CNTN5: variants seen among roughly 807,000 people sequenced by gnomAD.
CNTN5 encodes the protein contactin 5, also known as contactin-5.
A neutral mutation model predicts 129.1 loss-of-function variants in CNTN5; 77 were observed. The ratio of observed to expected loss-of-function variants is 0.60; its 90% CI spans 0.50 to 0.72. The LOEUF (loss-of-function observed/expected upper bound fraction) is 0.72, where lower values mean the gene tolerates loss of function less well. Among genes scored for constraint, CNTN5 ranks in the 30% least tolerant of loss-of-function variants. The pLI, the probability that CNTN5 is intolerant of heterozygous loss-of-function variation, is 0.00. For missense variants in CNTN5, 1,478 were observed against 1,328.8 expected (o/e 1.11, Z -1.75); for synonymous variants, 509 against 465.6 (o/e 1.09, Z -1.20).
chr11:99,629,574 G>C (rs1389547684), intron 3 of CNTN5, among the ~76,000 whole-genome samples: 1 of 150,818 alleles, frequency 6.6e-6, no homozygotes, highest in East Asian at 2.0e-4. Context: ...CAGGGGTACA[G>C]GATTTATGGG....
chr11:100,109,637 A>G (rs1945578000), intron 13 of CNTN5, among the ~76,000 whole-genome samples: 1 of 152,178 alleles, frequency 6.6e-6, no homozygotes, highest in Admixed American at 6.5e-5. Flanking sequence ...TATACTTCAG[A>G]TAGAATTTAG....
At chr11:100,208,291 C>T (rs992243862) in intron 15 of CNTN5, among the ~76,000 whole-genome samples, 2 of 152,074 alleles carry the variant, frequency 1.3e-5, no homozygotes, top group Admixed American at 1.3e-4. Context: ...TGGGCTCAGC[C>T]AGAGTACATC....
At chr11:100,078,845 T>C (rs1367450459) in intron 13 of CNTN5, among the ~76,000 whole-genome samples, 1 of 152,084 alleles carries the variant, frequency 6.6e-6, no homozygotes, top group Non-Finnish European at 1.5e-5. Context: ...ATAATGATGG[T>C]ATCTGTATCA....
chr11:99,759,616 C>T lies in CNTN5; in HGVS notation c.56-59928C>T, dbSNP rs1319048899. ...ATTAATTCAGGTGTGAAGTCATAAC[C>T]CCAGATCTAGGGTCAGATGACGAAT... On this transcript the variant is annotated intron_variant, in intron 3 of 24. Transcript: ENST00000524871. Among the ~76,000 whole-genome samples the T allele has an allele frequency of 2.0e-5, 3 of 151,212 alleles. No homozygotes were observed. The Admixed American group carries it at 2.0e-4, about 10-fold the overall frequency.
chr11:100,164,438 C>T (rs11223037), intron 13 of CNTN5, among the ~76,000 whole-genome samples: 3,798 of 151,730 alleles, frequency 0.025, 149 homozygotes, highest in African/African-American at 0.087. Flanking sequence ...CCTCATATTA[C>T]ATTAGGCTCA....
chr11:99,415,664 A>T (rs1942624825), intron 2 of CNTN5, among the ~76,000 whole-genome samples: 1 of 152,126 alleles, frequency 6.6e-6, no homozygotes, highest in Non-Finnish European at 1.5e-5. Context: ...AGGGGAGAGC[A>T]GGAGAGTGTC....
At chr11:99,838,873 T>G (rs1947388331) in intron 4 of CNTN5, among the ~76,000 whole-genome samples, 1 of 152,144 alleles carries the variant, frequency 6.6e-6, no homozygotes, top group Non-Finnish European at 1.5e-5. Flanking sequence ...ATAGTATGCC[T>G]TTTGCTTTTA....
At chr11:99,782,863 A>G (rs1477579777) in intron 3 of CNTN5, among the ~76,000 whole-genome samples, 2 of 151,896 alleles carry the variant, frequency 1.3e-5, no homozygotes, top group Non-Finnish European at 2.9e-5. Context: ...TAGACCTAAA[A>G]CCACAAAAAC....
chr11:99,932,344 C>A (rs968458991), intron 7 of CNTN5, among the ~76,000 whole-genome samples: 2 of 152,202 alleles, frequency 1.3e-5, no homozygotes, highest in Admixed American at 1.3e-4. Flanking sequence ...AGGCACCCAC[C>A]ACCACGCCTG....
chr11:99,641,853 G>A (rs566531954), intron 3 of CNTN5, among the ~76,000 whole-genome samples: 25 of 152,038 alleles, frequency 1.6e-4, no homozygotes, highest in Non-Finnish European at 3.2e-4. Flanking sequence ...AGCAACAATA[G>A]CTAACATTAT....
intron 13 of CNTN5, among the ~76,000 whole-genome samples, chr11:100,098,997 G>A (rs948491366): frequency 1.3e-5 from 2 of 151,998 alleles, no homozygotes; most frequent in Non-Finnish European, 1.5e-5. Flanking sequence ...CACAGAGCAG[G>A]TCCAGATTAA....
intron 3 of CNTN5, among the ~76,000 whole-genome samples, chr11:99,577,468 T>C (rs1949393404): frequency 1.3e-5 from 2 of 152,182 alleles, no homozygotes; most frequent in Non-Finnish European, 2.9e-5. Flanking sequence ...ATGTTTTTAC[T>C]AGATTAACGT....
intron 2 of CNTN5, among the ~76,000 whole-genome samples, chr11:99,541,282 G>C (rs917663329): frequency 6.6e-6 from 1 of 152,126 alleles, no homozygotes; most frequent in Non-Finnish European, 1.5e-5. Context: ...ACTGTATTTT[G>C]TGTTATGAAG....
chr11:100,073,668 T>G (rs939460348), intron 12 of CNTN5, among the ~76,000 whole-genome samples: 2 of 151,880 alleles, frequency 1.3e-5, no homozygotes, highest in Non-Finnish European at 2.9e-5. Flanking sequence ...AAATTAATTT[T>G]TAAACAATGT....
At chr11:99,901,910 G>T (rs1355012982) in intron 6 of CNTN5, among the ~76,000 whole-genome samples, 1 of 152,140 alleles carries the variant, frequency 6.6e-6, no homozygotes, top group Non-Finnish European at 1.5e-5. Context: ...TGGATAAAAT[G>T]CAAGCGTTAT....
In CNTN5 at chr11:100,350,739, T is replaced by G; in HGVS notation, c.3068T>G (p.Val1023Gly). ...CAAGAGGGTCACAGCAACAGCCAAG[T>G]TATTGAAACACAGAAACTTCAAGCA... ...YRQEGHSNSQ[V>G]IETQKLQAVV... Residue 1023 changes from valine (V) to glycine (G), a missense_variant, in exon 24 of 25, where the codon GTT becomes GGT. Physicochemically the swap from Val to Gly is moderately radical, Grantham distance 109 (BLOSUM62 -3). Transcript: ENST00000524871. 1.9e-6 allele frequency: 3 copies of G among 1,608,676 alleles called. No individual in the cohort carries two copies. The highest frequency in any genetic ancestry group is 2.5e-6 in the Non-Finnish European group (3 of 1,176,670).
intron 1 of CNTN5, among the ~76,000 whole-genome samples, chr11:99,195,854 A>G (rs1170515389): frequency 6.6e-6 from 1 of 151,986 alleles, no homozygotes; most frequent in Non-Finnish European, 1.5e-5. Context: ...AAGTTTTACA[A>G]TTTATTTATA....
chr11:99,782,053 G>A (rs1252531943), intron 3 of CNTN5, among the ~76,000 whole-genome samples: 3 of 150,838 alleles, frequency 2.0e-5, no homozygotes, highest in African/African-American at 2.4e-5. Context: ...GTTTGCAGAC[G>A]ACATGATTGT....
At chr11:99,280,764 C>A (rs918616767) in intron 1 of CNTN5, among the ~76,000 whole-genome samples, 5 of 151,664 alleles carry the variant, frequency 3.3e-5, no homozygotes, top group Non-Finnish European at 5.9e-5. Context: ...AGTACATAAT[C>A]TAAAGTTAAT....
Sources: allele counts gnomAD v4.1 joint callset (sites outside exome capture counted in the v4.1 genomes callset), GRCh38; gene constraint gnomAD v4.1.1; transcripts MANE v1.5; gene names NCBI Gene and HGNC (gene_info 2026-07-23, HGNC 2026-07-21).